Variants in PDE4D observed in about 807,000 individuals in gnomAD.
PDE4D encodes the protein 3',5'-cyclic-AMP phosphodiesterase 4D.
PDE4D carries 24 observed loss-of-function variants against 87.4 expected under a neutral mutation model. That is an observed-to-expected ratio of 0.27 (90% CI 0.20 to 0.39). The LOEUF is 0.39. Ranked by LOEUF, PDE4D falls within the 10% of genes least tolerant of loss-of-function variation. The pLI, the probability that PDE4D is intolerant of heterozygous loss-of-function variation, is 1.00. For missense variants in PDE4D, 714 were observed against 1,041.0 expected, an observed-to-expected ratio of 0.69 and a Z score of 4.32; for synonymous variants, 384 against 383.2, an observed-to-expected ratio of 1.00 and a Z score of -0.02.
chr5:60,374,986 T>C (rs890567107), intron 1 of PDE4D, among the ~76,000 whole-genome samples: 3 of 152,212 alleles, frequency 2.0e-5, no homozygotes, highest in African/African-American at 7.2e-5. Flanking sequence ...CCCAGTTCAT[T>C]TCTTAAGTCA....
In PDE4D at chr5:59,062,148, C is replaced by T. The variant is rs1763224272; in HGVS notation, c.809-23177G>A. ...GAAGAAGAAAAACAGTATAAAAATA[C>T]AGAAAGACAAGATTCTCTGGCTGTC... is the stretch of plus-strand genomic sequence containing the variant. On this transcript the variant is annotated intron_variant, in intron 5 of 14. Coordinates refer to ENST00000340635, the MANE Select transcript of PDE4D (RefSeq NM_001104631.2). 2.0e-5 allele frequency among the ~76,000 whole-genome samples: 3 copies of T among 152,112 alleles called. No homozygotes were observed. In the South Asian group the frequency reaches 6.2e-4, roughly 32 times the overall value.
At chr5:60,374,056 G>C (rs1761243734) in intron 1 of PDE4D, among the ~76,000 whole-genome samples, 1 of 152,106 alleles carries the variant, frequency 6.6e-6, no homozygotes, top group Non-Finnish European at 1.5e-5. Flanking sequence ...TTGAGTGGCT[G>C]TTATTGTGAC....
chr5:59,431,605 G>A (rs1374169813), intron 1 of PDE4D, among the ~76,000 whole-genome samples: 2 of 152,048 alleles, frequency 1.3e-5, no homozygotes, highest in African/African-American at 4.8e-5. Context: ...TTTTAAGTTT[G>A]AAAGAGTAGA....
chr5:60,284,176 C>T (rs766344465), intron 1 of PDE4D, among the ~76,000 whole-genome samples: 4 of 152,136 alleles, frequency 2.6e-5, no homozygotes, highest in Non-Finnish European at 5.9e-5. Flanking sequence ...ATTTAGCACT[C>T]ACCTTGTTTT....
rs1296633513 is a variant in PDE4D at position 59,907,050 on chromosome 5, TAAAAAGAA to T, written c.272+81430_272+81437del. ...TACTCCACAGAATACTACACAGCCATAAAAAGAATGAGATAATGTCACTGGCGGGAACA... is the reference window on the plus strand; with the variant it reads ...TACTCCACAGAATACTACACAGCCATTGAGATAATGTCACTGGCGGGAACA... On this transcript the variant is annotated intron_variant, in intron 3 of 16. Coordinates refer to the PDE4D transcript ENST00000502484. 2.0e-5 allele frequency among the ~76,000 whole-genome samples: 3 copies of T among 152,232 alleles called. No homozygotes were observed. In the East Asian group the frequency reaches 5.8e-4, roughly 29 times the overall value.
chr5:59,375,972 T>C (rs1243242307), intron 1 of PDE4D, among the ~76,000 whole-genome samples: 3 of 152,184 alleles, frequency 2.0e-5, no homozygotes, highest in Admixed American at 6.5e-5. Context: ...AAAATGCCTT[T>C]GATAAAATTC....
At chr5:59,663,717 G>A (rs59281772) in intron 1 of PDE4D, among the ~76,000 whole-genome samples, 1,740 of 152,118 alleles carry the variant, frequency 0.011, 24 homozygotes, top group African/African-American at 0.038. Flanking sequence ...ATGCAGCAGC[G>A]GGATCTATTT....
chr5:60,300,120 T>C (rs1295842752), intron 1 of PDE4D, among the ~76,000 whole-genome samples: 1 of 152,200 alleles, frequency 6.6e-6, no homozygotes, highest in African/African-American at 2.4e-5. Context: ...TATCTCATTG[T>C]GGTTTTGATT....
intron 2 of PDE4D, among the ~76,000 whole-genome samples, chr5:60,107,189 C>T (rs1403595516): frequency 6.6e-6 from 1 of 152,056 alleles, no homozygotes; most frequent in Non-Finnish European, 1.5e-5. Flanking sequence ...ACCAATGATC[C>T]CACAGAAATA....
intron 2 of PDE4D, among the ~76,000 whole-genome samples, chr5:60,100,759 T>C (rs1562092691): frequency 6.6e-6 from 1 of 152,080 alleles, no homozygotes; most frequent in Non-Finnish European, 1.5e-5. Flanking sequence ...GGTTTCATCA[T>C]TTATCACCAG....
intron 1 of PDE4D, among the ~76,000 whole-genome samples, chr5:59,276,361 GTTGT>G (rs1464488757): frequency 1.3e-5 from 2 of 152,040 alleles, no homozygotes; most frequent in Admixed American, 6.6e-5. Context: ...TTGCCATTAA[GTTGT>G]TTATTTACCA....
chr5:60,147,467 G>A (rs1362905037), intron 2 of PDE4D, among the ~76,000 whole-genome samples: 1 of 152,094 alleles, frequency 6.6e-6, no homozygotes, highest in East Asian at 1.9e-4. Context: ...GGATTAACAG[G>A]GAAGGTCAGC....
Position 58,969,774 on chromosome 5 carries a change from C to G in PDE4D, c.*4890G>C, listed in dbSNP as rs1399717726. The G allele has an allele frequency of 1.3e-5, 2 of 152,106 alleles. No homozygotes were observed. The highest frequency in any genetic ancestry group is 4.8e-5 in the African/African-American group (2 of 41,434). 9.4% of individuals were successfully genotyped at this position (152,106 alleles called of 1,614,324 possible). The stretch of plus-strand genomic sequence containing the variant: ...GGAGTAGGTAACCAAAAATAATTGT[C>G]AAGTATCTGAATAATTTTCAATATC... On this transcript the variant is annotated 3_prime_UTR_variant, in exon 15 of 15. Transcript: ENST00000340635.
rs538831815 is a variant in PDE4D, at chr5:59,730,527, T to C, written c.455+162641A>G. Among the ~76,000 whole-genome samples the C allele has an allele frequency of 4.6e-5, 7 of 152,304 alleles. No individual in the cohort carries two copies. In the East Asian group the frequency reaches 1.3e-3, roughly 29 times the overall value. ...GAGTAGAGACATTTATTATTTAAACTAGCTCTGACAATGAGATTCATTTAA... is the reference window on the plus strand; with the variant it reads ...GAGTAGAGACATTTATTATTTAAACCAGCTCTGACAATGAGATTCATTTAA... On this transcript the variant is annotated intron_variant, in intron 1 of 14. Transcript: ENST00000340635.
chr5:59,681,571 C>T (rs1178676459), intron 1 of PDE4D, among the ~76,000 whole-genome samples: 1 of 151,990 alleles, frequency 6.6e-6, no homozygotes, highest in African/African-American at 2.4e-5. Flanking sequence ...GAATGGATTA[C>T]TTTATCTGTT....
intron 2 of PDE4D, among the ~76,000 whole-genome samples, chr5:60,047,705 T>C (rs1368426289): frequency 6.6e-6 from 1 of 152,218 alleles, no homozygotes; most frequent in Non-Finnish European, 1.5e-5. Flanking sequence ...TCCTGAGTTC[T>C]AGTTTGATTG....
intron 2 of PDE4D, among the ~76,000 whole-genome samples, chr5:60,031,968 TAAG>T (rs1767290195): frequency 6.6e-6 from 1 of 152,194 alleles, no homozygotes; most frequent in Non-Finnish European, 1.5e-5. Context: ...GCTATTATCT[TAAG>T]AAGCTATAAG....
At chr5:59,494,838 C>T (rs1409608356) in intron 1 of PDE4D, among the ~76,000 whole-genome samples, 1 of 152,142 alleles carries the variant, frequency 6.6e-6, no homozygotes, top group Non-Finnish European at 1.5e-5. Flanking sequence ...GTGCGGACTA[C>T]AAGCTGAGCC....
At position 59,097,897 on chromosome 5, in the gene PDE4D, G is replaced by C. The variant is rs1770029097; in HGVS notation, c.809-58926C>G. Reference sequence around the variant, plus strand: ...GTCACAAAAACATCTTAGGCTGAGAGTGACCCAGTAATCCTCATAATCACA... The same window carrying C: ...GTCACAAAAACATCTTAGGCTGAGACTGACCCAGTAATCCTCATAATCACA... On this transcript the variant is annotated intron_variant, in intron 5 of 14. Coordinates refer to ENST00000340635, the MANE Select transcript of PDE4D (RefSeq NM_001104631.2). Among the ~76,000 whole-genome samples the C allele has an allele frequency of 3.9e-5, 6 of 152,286 alleles. No homozygotes were observed. In the South Asian group the frequency reaches 1.2e-3, roughly 32 times the overall value.
Sources: allele counts gnomAD v4.1 joint callset (sites outside exome capture counted in the v4.1 genomes callset), GRCh38; gene constraint gnomAD v4.1.1; transcripts MANE v1.5; gene names NCBI Gene and HGNC (gene_info 2026-07-23, HGNC 2026-07-21).